HDAC4: variants seen among roughly 807,000 people sequenced by gnomAD.
HDAC4 encodes histone deacetylase A.
In HDAC4, 16 loss-of-function variants were observed where a neutral mutation model predicts 135.1. The observed-to-expected ratio is 0.12, with a 90% CI of 0.08 to 0.18. HDAC4 has a LOEUF of 0.18. Among genes scored for constraint, HDAC4 ranks in the 10% least tolerant of loss-of-function variants. HDAC4 has a pLI of 1.00. For synonymous variants in HDAC4, 685 were observed against 653.4 expected (o/e 1.05, Z -0.74); for missense variants, 1,143 against 1,511.8 (o/e 0.76, Z 4.05).
chr2:239,194,873 G>A (rs1197191479), intron 3 of HDAC4, among the ~76,000 whole-genome samples: 1 of 152,240 alleles, frequency 6.6e-6, no homozygotes, highest in Non-Finnish European at 1.5e-5. Flanking sequence ...CATGCTGGAA[G>A]GTGCTGGCGC....
intron 22 of HDAC4, among the ~76,000 whole-genome samples, chr2:239,070,997 A>G (rs1467205696): frequency 6.6e-6 from 1 of 151,946 alleles, no homozygotes; most frequent in Non-Finnish European, 1.5e-5. Flanking sequence ...TAAGATTAGG[A>G]AAGAAGAAGC....
At chr2:239,143,729 C>T (rs80196560) in intron 8 of HDAC4, among the ~76,000 whole-genome samples, 8 of 152,226 alleles carry the variant, frequency 5.3e-5, no homozygotes, top group Non-Finnish European at 8.8e-5. Flanking sequence ...CTCGCACACA[C>T]GGGGCATGGC....
At chr2:239,070,169 G>A (rs867024172) in intron 22 of HDAC4, among the ~76,000 whole-genome samples, 4 of 150,222 alleles carry the variant, frequency 2.7e-5, no homozygotes, top group South Asian at 4.2e-4. Context: ...CCGAGAGGGC[G>A]GAGAGCCCTT....
intron 2 of HDAC4, among the ~76,000 whole-genome samples, chr2:239,328,827 G>A (rs1691344654): frequency 6.6e-6 from 1 of 152,256 alleles, no homozygotes; most frequent in Non-Finnish European, 1.5e-5. Context: ...CTGGCCAAGA[G>A]TCAGGAGCGG....
chr2:239,383,618 G>A (rs140630448), intron 1 of HDAC4, among the ~76,000 whole-genome samples: 24 of 152,144 alleles, frequency 1.6e-4, no homozygotes, highest in South Asian at 4.1e-4. Flanking sequence ...AAGAGCGCCC[G>A]ATCAATCCAT....
At position 239,299,139 on chromosome 2, in the gene HDAC4, A is replaced by G. The variant is rs1037112171; in HGVS notation, c.22+53539T>C. Among the ~76,000 whole-genome samples, 7 of 152,132 alleles carry G rather than the reference A, an allele frequency of 4.6e-5. No individual in the cohort carries two copies. The highest frequency in any genetic ancestry group is 1.7e-4 in the African/African-American group (7 of 41,436). On this transcript the variant is annotated intron_variant, in intron 2 of 26. Transcript: ENST00000543185. The surrounding 1 kb of genome is among the most constrained non-coding windows in gnomAD (Gnocchi z 4.0). ...CTTGGCCTCCCAAAGTGCTGGGATT[A>G]CAGGCATAAGCTATTGCACCCGGCC...
At chr2:239,077,015 C>A (rs143647669) in intron 22 of HDAC4, among the ~76,000 whole-genome samples, 1 of 152,180 alleles carries the variant, frequency 6.6e-6, no homozygotes, top group Non-Finnish European at 1.5e-5. Context: ...ACCTCACCAG[C>A]CTGTGGCCCT....
At chr2:239,078,100 G>A (rs1285299098) in intron 22 of HDAC4, among the ~76,000 whole-genome samples, 1 of 152,128 alleles carries the variant, frequency 6.6e-6, no homozygotes, top group East Asian at 1.9e-4. Context: ...CACAGGTGAG[G>A]GATGGGTTAC....
intron 22 of HDAC4, among the ~76,000 whole-genome samples, chr2:239,074,967 T>C (rs1389939798): frequency 6.6e-6 from 1 of 152,118 alleles, no homozygotes; most frequent in African/African-American, 2.4e-5. Flanking sequence ...CTCACACATG[T>C]AATCCCAGCA....
chr2:239,140,413 C>T (rs1298256418), intron 8 of HDAC4, among the ~76,000 whole-genome samples: 1 of 152,130 alleles, frequency 6.6e-6, no homozygotes, highest in Non-Finnish European at 1.5e-5. Context: ...ATGTGACTTC[C>T]AAAAGGGGCC....
rs765561904 is a variant in HDAC4 at position 239,115,285 on chromosome 2, G to A, written c.1559C>T (p.Ala520Val). ...CTCCGGGTGGCTCTCCGGCTGCCGG[G>A]CTGGCTCGCTTGGCTTGGGGATGAT... ...NKIIPKPSEP[A>V]RQPESHPEET... The change falls in exon 13 of 27, where the codon GCC (alanine) becomes GTC (valine). Residue 520 changes from alanine to valine, a missense_variant. Physicochemically the swap from Ala to Val is moderately conservative, Grantham distance 64 (BLOSUM62 0). This residue lies in a region of HDAC4 where 196 missense variants were observed against 210.7 expected (regional missense o/e 0.93). Coordinates refer to ENST00000543185, the MANE Select transcript of HDAC4 (RefSeq NM_001378414.1). The surrounding 1 kb of genome is among the most constrained non-coding windows in gnomAD (Gnocchi z 6.3). 16 of 1,613,284 alleles carry A rather than the reference G, an allele frequency of 9.9e-6. No homozygotes were observed. Among genetic ancestry groups the A allele is most frequent in the Non-Finnish European group, 1.4e-5 (16 of 1,179,964 alleles).
rs1321591361 is a variant in HDAC4 at position 239,285,215 on chromosome 2, G to A, written c.23-48551C>T. On this transcript the variant is annotated intron_variant, in intron 2 of 26. Coordinates refer to ENST00000543185, the MANE Select transcript of HDAC4 (RefSeq NM_001378414.1). The surrounding 1 kb of genome is among the most constrained non-coding windows in gnomAD (Gnocchi z 4.5). Reference sequence around the variant, plus strand: ...AAACAGGCAGCTGGATGAGCACAGAGCCACGGTGGAGGGGGACAGAGCCAC... The same window carrying A: ...AAACAGGCAGCTGGATGAGCACAGAACCACGGTGGAGGGGGACAGAGCCAC... 6.6e-6 allele frequency among the ~76,000 whole-genome samples: 1 copy of A among 152,230 alleles called. No individual in the cohort carries two copies. Among genetic ancestry groups the A allele is most frequent in the African/African-American group, 2.4e-5 (1 of 41,460 alleles).
intron 2 of HDAC4, among the ~76,000 whole-genome samples, chr2:239,260,176 G>A (rs1403608): frequency 0.12 from 18,194 of 152,220 alleles, 1,548 homozygotes; most frequent in East Asian, 0.38. Flanking sequence ...TCTGCGGACC[G>A]CGTGTCCAGA....
intron 2 of HDAC4, among the ~76,000 whole-genome samples, chr2:239,241,093 A>G (rs906243185): frequency 1.3e-5 from 2 of 152,178 alleles, no homozygotes; most frequent in Non-Finnish European, 2.9e-5. Flanking sequence ...TTCTGTCTCA[A>G]TTAAACCAGC....
intron 2 of HDAC4, among the ~76,000 whole-genome samples, chr2:239,272,013 CAAAG>C (rs2050087441): frequency 6.6e-6 from 1 of 152,298 alleles, no homozygotes; most frequent in South Asian, 2.1e-4. Context: ...AAAAAATCAA[CAAAG>C]AAACCCAGCT....
chr2:239,317,902 TTAA>T (rs1304484354), intron 2 of HDAC4, among the ~76,000 whole-genome samples: 2 of 151,810 alleles, frequency 1.3e-5, no homozygotes, highest in Non-Finnish European at 2.9e-5. Context: ...CCTCCTGAGG[TTAA>T]TGAGGGCTTC....
chr2:239,231,359 C>T (rs1307099930), intron 3 of HDAC4, among the ~76,000 whole-genome samples: 1 of 152,190 alleles, frequency 6.6e-6, no homozygotes, highest in East Asian at 1.9e-4. Flanking sequence ...CCCAGTAGCA[C>T]AGCCCTCAGG....
Position 239,146,340 on chromosome 2 carries a change from G to T in HDAC4, c.734-1626C>A, listed in dbSNP as rs190787681. Among the ~76,000 whole-genome samples the T allele has an allele frequency of 4.1e-4, 62 of 152,368 alleles. No homozygotes were observed. The highest frequency in any genetic ancestry group is 1.3e-3 in the African/African-American group (54 of 41,594). Reference sequence around the variant, plus strand: ...CTGAAACCCACATGGGCTCTGCAGGGATTCCCCGGGCCTGGGACAGGAGCC... The same window carrying T: ...CTGAAACCCACATGGGCTCTGCAGGTATTCCCCGGGCCTGGGACAGGAGCC... On this transcript the variant is annotated intron_variant, in intron 7 of 26. Transcript: ENST00000543185. The surrounding 1 kb of genome is among the most constrained non-coding windows in gnomAD (Gnocchi z 4.5).
intron 11 of HDAC4, among the ~76,000 whole-genome samples, chr2:239,131,079 C>G (rs552541387): frequency 6.6e-6 from 1 of 152,256 alleles, no homozygotes. Flanking sequence ...ACAGTGACCA[C>G]GTGCGGAGTG....
Sources: gnomAD v4.1 joint callset for allele counts (sites outside exome capture counted in the v4.1 genomes callset) on GRCh38, gnomAD v4.1.1 for gene constraint, gnomAD v4.1.1 regional missense constraint, Gnocchi (gnomAD v3.1) non-coding constraint, MANE v1.5 for transcripts, NCBI Gene and HGNC (gene_info 2026-07-23, HGNC 2026-07-21) for gene names.